Variants in POLR2F observed in about 807,000 individuals in gnomAD.
The protein encoded by POLR2F is DNA-directed RNA polymerases I, II, and III subunit RPABC2.
Under a neutral mutation model 22.7 loss-of-function variants are expected in POLR2F, and 12 were observed. The ratio of observed to expected loss-of-function variants is 0.53; its 90% CI spans 0.34 to 0.86. The LOEUF (loss-of-function observed/expected upper bound fraction) is 0.86, where lower values mean the gene tolerates loss of function less well. Among genes scored for constraint, POLR2F ranks in the 40% least tolerant of loss-of-function variants. The pLI is 0.02. For missense variants in POLR2F, 126 were observed against 171.5 expected, an observed-to-expected ratio of 0.73 and a Z score of 1.48; for synonymous variants, 57 against 66.0, an observed-to-expected ratio of 0.86 and a Z score of 0.66.
chr22:37,993,613 G>A (rs1352674463), intron 1 of POLR2F, among the ~76,000 whole-genome samples: 2 of 152,334 alleles, frequency 1.3e-5, no homozygotes, highest in East Asian at 3.9e-4. Flanking sequence ...CCATTTACCA[G>A]TGAGACTGGG....
rs371537674 is a variant in POLR2F at position 37,959,435 on chromosome 22, C to T, written c.180C>T (p.Tyr60=). 1.4e-5 allele frequency: 22 copies of T among 1,613,954 alleles called. No individual in the cohort carries two copies. Among genetic ancestry groups the T allele is most frequent in the African/African-American group, 9.3e-5 (7 of 74,910 alleles). The part of the protein sequence containing the change: ...KRITTPYMTK[Y]ERARVLGTRA... ...TCACCACACCATACATGACCAAGTACGAGCGAGCCCGCGTGCTGGGCACCC... is the reference window on the plus strand; with the variant it reads ...TCACCACACCATACATGACCAAGTATGAGCGAGCCCGCGTGCTGGGCACCC... Residue 60 remains tyrosine (Y), a synonymous_variant, in exon 3 of 5, where the codon TAC becomes TAT. Transcript: ENST00000442738.
chr22:38,036,079 A>G (rs2085113699), intron 5 of POLR2F, among the ~76,000 whole-genome samples: 1 of 150,946 alleles, frequency 6.6e-6, no homozygotes, highest in Non-Finnish European at 1.5e-5. Context: ...GGGTTCAAGC[A>G]ATTCTCCTGC....
chr22:37,983,813 TCGGCCGCCTCCCCCGGGC>T, upstream of POLR2F: 1 of 1,404,988 alleles, frequency 7.1e-7, no homozygotes, highest in South Asian at 1.3e-5. This position sits in a 1 kb window ranked among gnomAD's most constrained non-coding sequence, Gnocchi z 9.5. Flanking sequence ...CGCCGCCGCC[TCGGCCGCCTCCCCCGGGC>T]CAGCCGCCGG....
chr22:37,969,166 G>C lies in POLR2F; in HGVS notation c.*1451G>C, dbSNP rs1189124878. The C allele has an allele frequency of 1.0e-6, 1 of 985,270 alleles. No individual in the cohort carries two copies. The highest frequency in any genetic ancestry group is 1.1e-4 in the East Asian group (1 of 8,826). 61.0% of individuals were successfully genotyped at this position (985,270 alleles called of 1,614,324 possible). A position where few individuals can be genotyped will look rare whatever the true frequency, so the allele number is the denominator to read the frequency against. The stretch of plus-strand genomic sequence containing the variant: ...GAGGGGAATTGGGGGTTAACCCTTA[G>C]GGGATAGAGTGCAAGGGAAATGGGA... On this transcript the variant is annotated 3_prime_UTR_variant, in exon 5 of 5. Transcript: ENST00000442738.
Position 37,968,687 on chromosome 22 carries a change from T to A in POLR2F, c.*972T>A, listed in dbSNP as rs1003016550. 19 of 985,280 alleles carry A rather than the reference T, an allele frequency of 1.9e-5. No homozygotes were observed. The highest frequency in any genetic ancestry group is 2.3e-5 in the Non-Finnish European group (19 of 829,920). 61.0% of individuals were successfully genotyped at this position (985,280 alleles called of 1,614,324 possible). On this transcript the variant is annotated 3_prime_UTR_variant, in exon 5 of 5. Coordinates refer to ENST00000442738, the MANE Select transcript of POLR2F (RefSeq NM_021974.5). Reference sequence around the variant, plus strand: ...GGGTGTATATTGACATGAACAGGGATAGAGGGTAAACTGGCTCCCTGAATA... The same window carrying A: ...GGGTGTATATTGACATGAACAGGGAAAGAGGGTAAACTGGCTCCCTGAATA...
chr22:38,013,073 ACTTCCTTCCCTTCCTTCCCTTCCTTCC>A (rs139903), intron 1 of POLR2F, among the ~76,000 whole-genome samples: 175 of 148,180 alleles, frequency 1.2e-3, no homozygotes, highest in South Asian at 1.6e-3. Flanking sequence ...CTTAGTTATG[ACTTCCTTCCCTTCCTTCCCTTCCTTCC>A]CTTCCTTCCC....
upstream of POLR2F, chr22:37,983,803 CGCCGCCGCCTCG>C: frequency 7.0e-7 from 1 of 1,422,504 alleles, no homozygotes; most frequent in Non-Finnish European, 9.2e-7. This position sits in a 1 kb window ranked among gnomAD's most constrained non-coding sequence, Gnocchi z 9.5. Flanking sequence ...CGGCCGCCGC[CGCCGCCGCCTCG>C]GCCGCCTCCC....
At chr22:38,025,248 C>A (rs1043822318) in intron 1 of POLR2F, among the ~76,000 whole-genome samples, 1 of 152,154 alleles carries the variant, frequency 6.6e-6, no homozygotes, top group African/African-American at 2.4e-5. Context: ...TGCTCACACA[C>A]ACACACAGGC....
At chr22:37,956,946 C>A (rs1428504922) in intron 2 of POLR2F, 104 bp downstream of exon 2, 2 of 889,572 alleles carry the variant, frequency 2.2e-6, no homozygotes, top group Non-Finnish European at 3.8e-6. Context: ...GTGGTCAAGG[C>A]CCCTGCCATA....
chr22:38,037,267 T>TGTTAC (rs2085125204), intron 5 of POLR2F, among the ~76,000 whole-genome samples: 2 of 151,764 alleles, frequency 1.3e-5, no homozygotes, highest in African/African-American at 4.8e-5. Flanking sequence ...TGTTATGTTA[T>TGTTAC]GTTATGTTAT....
At chr22:37,985,024 C>A (rs1601888400), upstream of POLR2F, 1 of 152,550 alleles carries the variant, frequency 6.6e-6, no homozygotes, top group African/African-American at 2.4e-5. Flanking sequence ...ATGCCCAGCT[C>A]CTCACCCTGC....
intron 1 of POLR2F, chr22:37,987,175 AG>A: frequency 2.2e-6 from 1 of 456,636 alleles, no homozygotes; most frequent in Non-Finnish European, 4.4e-6. Context: ...TGCAGCAGAG[AG>A]GGGTCTGCGG....
At chr22:38,004,517 T>C (rs1469811381) in intron 1 of POLR2F, among the ~76,000 whole-genome samples, 1 of 152,160 alleles carries the variant, frequency 6.6e-6, no homozygotes, top group Non-Finnish European at 1.5e-5. Flanking sequence ...ACTGCCAGAA[T>C]GGAGCAAGAG....
At chr22:37,962,372 G>A (rs1359819771) in intron 3 of POLR2F, among the ~76,000 whole-genome samples, 1 of 152,192 alleles carries the variant, frequency 6.6e-6, no homozygotes, top group Non-Finnish European at 1.5e-5. Context: ...GCCTCCTCTA[G>A]TCCTGTAGGG....
At chr22:37,959,803 GTTTTT>G (rs758630099) in intron 3 of POLR2F, among the ~76,000 whole-genome samples, 1 of 137,004 alleles carries the variant, frequency 7.3e-6, no homozygotes. Context: ...TACCAGTGTA[GTTTTT>G]TTTTTTTTTT....
At chr22:37,998,561 G>T (rs372705381) in intron 1 of POLR2F, among the ~76,000 whole-genome samples, 1 of 152,170 alleles carries the variant, frequency 6.6e-6, no homozygotes, top group East Asian at 1.9e-4. Context: ...TATTCCAGGG[G>T]CTGTGGGCTG....
intron 3 of POLR2F, among the ~76,000 whole-genome samples, chr22:37,959,799 T>C (rs1442441722): frequency 1.3e-5 from 2 of 149,958 alleles, no homozygotes; most frequent in African/African-American, 4.9e-5. Context: ...TGTGTACCAG[T>C]GTAGTTTTTT....
chr22:37,977,170 G>GAA (rs796380875), intron 4 of POLR2F, among the ~76,000 whole-genome samples: 2 of 116,640 alleles, frequency 1.7e-5, no homozygotes, highest in Non-Finnish European at 1.8e-5. Context: ...TCTGTCTCCA[G>GAA]AAAAAAAAAA....
intron 1 of POLR2F, among the ~76,000 whole-genome samples, chr22:38,012,723 C>A (rs1015098971): frequency 6.6e-6 from 1 of 152,238 alleles, no homozygotes; most frequent in African/African-American, 2.4e-5. Context: ...ATGACCTTGA[C>A]ATTTTTGAAG....
Sources: allele counts gnomAD v4.1 joint callset (sites outside exome capture counted in the v4.1 genomes callset), GRCh38; gene constraint gnomAD v4.1.1; non-coding constraint Gnocchi (gnomAD v3.1); transcripts MANE v1.5; gene names NCBI Gene and HGNC (gene_info 2026-07-23, HGNC 2026-07-21).